The following RYR2 variants were observed in gnomAD, a reference collection of about 807,000 sequenced individuals.
RYR2 encodes the protein ryanodine receptor 2, also known as cardiac muscle ryanodine receptor-calcium release channel.
RYR2 carries 227 observed loss-of-function variants against 601.1 expected under a neutral mutation model. The observed-to-expected ratio is 0.38, with a 90% CI of 0.34 to 0.42. RYR2 has a LOEUF of 0.42. RYR2 is among the 10% of genes least tolerant of loss of function. RYR2 has a pLI of 1.00. For synonymous variants in RYR2, 2,223 were observed against 2,175.1 expected (o/e 1.02, Z -0.61); for missense variants, 4,646 against 6,156.5 (o/e 0.75, Z 8.21).
intron 29 of RYR2, among the ~76,000 whole-genome samples, chr1:237,571,479 T>C (rs1672693800): frequency 6.6e-6 from 1 of 152,078 alleles, no homozygotes; most frequent in African/African-American, 2.4e-5. Flanking sequence ...CACGCCTCGC[T>C]AATTTTTGTA....
chr1:237,208,067 A>C (rs188242053), intron 1 of RYR2, among the ~76,000 whole-genome samples: 1 of 152,188 alleles, frequency 6.6e-6, no homozygotes, highest in African/African-American at 2.4e-5. Context: ...GACCAGCGGG[A>C]GTTGTGGTAA....
chr1:237,541,647 T>G (rs1382436014), intron 25 of RYR2, among the ~76,000 whole-genome samples: 2 of 152,064 alleles, frequency 1.3e-5, no homozygotes, highest in Non-Finnish European at 2.9e-5. Flanking sequence ...ATCACCTGGG[T>G]GCAGGTGGGC....
chr1:237,373,343 G>A (rs1341681778), intron 6 of RYR2, among the ~76,000 whole-genome samples: 1 of 152,096 alleles, frequency 6.6e-6, no homozygotes, highest in Non-Finnish European at 1.5e-5. Context: ...ACATCCCCAT[G>A]GCACTGAATT....
chr1:237,583,412 C>T (rs146522302), intron 29 of RYR2, among the ~76,000 whole-genome samples: 1 of 152,270 alleles, frequency 6.6e-6, no homozygotes, highest in East Asian at 1.9e-4. Context: ...CAAATTCTAG[C>T]ATCCATTTAA....
chr1:237,067,394 A>T (rs1018572063), intron 1 of RYR2, among the ~76,000 whole-genome samples: 5 of 152,154 alleles, frequency 3.3e-5, no homozygotes, highest in African/African-American at 1.2e-4. Flanking sequence ...TTTGTTGAAA[A>T]GATTACCATT....
chr1:237,237,468 A>G (rs1353040854), intron 1 of RYR2, among the ~76,000 whole-genome samples: 2 of 152,204 alleles, frequency 1.3e-5, no homozygotes, highest in Non-Finnish European at 2.9e-5. Flanking sequence ...GGAATTGGAC[A>G]TGTTCCGTTA....
At chr1:237,289,851 T>C (rs545292725) in intron 2 of RYR2, among the ~76,000 whole-genome samples, 27 of 152,374 alleles carry the variant, frequency 1.8e-4, no homozygotes, top group Admixed American at 5.2e-4. Flanking sequence ...TAAGATTTTT[T>C]GTCAGCATAA....
intron 25 of RYR2, among the ~76,000 whole-genome samples, chr1:237,540,280 C>T (rs918690547): frequency 1.1e-4 from 17 of 151,802 alleles, no homozygotes; most frequent in Admixed American, 4.6e-4. Flanking sequence ...TGAGATTGTT[C>T]GAAAAGCTGT....
chr1:237,569,669 T>A (rs2148279462), intron 29 of RYR2, among the ~76,000 whole-genome samples: 1 of 152,306 alleles, frequency 6.6e-6, no homozygotes, highest in East Asian at 1.9e-4. Context: ...TTTATTCATC[T>A]CATAAAAGTG....
chr1:237,363,805 T>C (rs1033740439), intron 4 of RYR2, among the ~76,000 whole-genome samples: 1 of 152,210 alleles, frequency 6.6e-6, no homozygotes, highest in Non-Finnish European at 1.5e-5. Context: ...GAAATGTTTT[T>C]GTGATTTTTC....
Position 237,090,292 on chromosome 1 carries a change from A to G in RYR2, c.48+47723A>G, listed in dbSNP as rs541236960. ...ATATTCTAATCCCCAGAACCTGTAA[A>G]TATGTTACTTTACATGGCAAAAGGG... On this transcript the variant is annotated intron_variant, in intron 1 of 104. Transcript: ENST00000366574. Among the ~76,000 whole-genome samples the G allele has an allele frequency of 9.2e-5, 14 of 152,300 alleles. No homozygotes were observed. In the South Asian group the frequency reaches 2.7e-3, roughly 29 times the overall value.
At chr1:237,397,665 G>A (rs892936089) in intron 10 of RYR2, among the ~76,000 whole-genome samples, 4 of 152,042 alleles carry the variant, frequency 2.6e-5, no homozygotes, top group Non-Finnish European at 5.9e-5. Context: ...GTGACCTGTA[G>A]GGGTAGGGGA....
Position 237,445,433 on chromosome 1 carries a change from T to C in RYR2, c.1203T>C (p.Asp401=), listed in dbSNP as rs1196750903. ...TGCATCATGAAGGCCACATGGATGA[T>C]GGCATAAGTTTGTCGAGATCCCAGC... The part of the protein sequence containing the change: ...AIMHHEGHMD[D]GISLSRSQHE... The change falls in exon 14 of 105, where the codon GAT becomes GAC. Residue 401 remains aspartate (D), a synonymous_variant. Transcript: ENST00000366574. The C allele has an allele frequency of 2.5e-6, 4 of 1,613,736 alleles. No individual in the cohort carries two copies. Among genetic ancestry groups the C allele is most frequent in the African/African-American group, 2.7e-5 (2 of 75,028 alleles).
In RYR2 at chr1:237,666,538, C is replaced by G; in HGVS notation, c.8463C>G (p.Tyr2821Ter). 1.9e-6 allele frequency: 3 copies of G among 1,612,372 alleles called. No homozygotes were observed. The highest frequency in any genetic ancestry group is 2.5e-6 in the Non-Finnish European group (3 of 1,179,266). ...SQVSVDAAHG[Y>*]SPRAIDMSNV... ...TTTCTGTGGACGCTGCCCATGGTTACAGTCCCCGGGCCATTGACATGAGCA... is the reference window on the plus strand; with the variant it reads ...TTTCTGTGGACGCTGCCCATGGTTAGAGTCCCCGGGCCATTGACATGAGCA... Residue 2821 changes from tyrosine (Y) to a stop codon, truncating the protein, a stop_gained, in exon 57 of 105, where the codon TAC becomes TAG. Transcript: ENST00000366574. LOFTEE classifies it high-confidence loss of function.
rs964938864 is a variant in RYR2 at position 237,494,979 on chromosome 1, C to T, written c.1962-1532C>T. 1.3e-4 allele frequency among the ~76,000 whole-genome samples: 20 copies of T among 151,980 alleles called. No individual in the cohort carries two copies. In the South Asian group the frequency reaches 3.1e-3, roughly 24 times the overall value. On this transcript the variant is annotated intron_variant, in intron 19 of 104. Coordinates refer to ENST00000366574, the MANE Select transcript of RYR2 (RefSeq NM_001035.3). ...CTAATTTTTGTATTTTTAGTAGAGA[C>T]GGGGTTTCACCATGTTGGCCAGCCT... is the stretch of plus-strand genomic sequence containing the variant.
At chr1:237,194,087 C>G (rs1408487422) in intron 1 of RYR2, among the ~76,000 whole-genome samples, 1 of 152,190 alleles carries the variant, frequency 6.6e-6, no homozygotes, top group Non-Finnish European at 1.5e-5. Context: ...TGTCTTTTCC[C>G]TGCATTCTAA....
chr1:237,794,924 A>G (rs949826260), intron 95 of RYR2, among the ~76,000 whole-genome samples: 5 of 152,070 alleles, frequency 3.3e-5, no homozygotes, highest in Non-Finnish European at 5.9e-5. Flanking sequence ...TTTTTTCTTC[A>G]TGGGAAAAAC....
intron 1 of RYR2, among the ~76,000 whole-genome samples, chr1:237,200,130 C>T (rs1681020753): frequency 6.6e-6 from 1 of 152,178 alleles, no homozygotes; most frequent in Non-Finnish European, 1.5e-5. Flanking sequence ...ATCACATACC[C>T]AATATGTGGA....
chr1:237,671,437 C>G (rs997548576), intron 58 of RYR2, among the ~76,000 whole-genome samples: 4 of 151,954 alleles, frequency 2.6e-5, no homozygotes, highest in Admixed American at 6.6e-5. Context: ...CCTGCCAGCT[C>G]TACTCCCACT....
Sources: gnomAD v4.1 joint callset for allele counts (sites outside exome capture counted in the v4.1 genomes callset) on GRCh38, gnomAD v4.1.1 for gene constraint, MANE v1.5 for transcripts, NCBI Gene and HGNC (gene_info 2026-07-23, HGNC 2026-07-21) for gene names.